Variants in FHIT observed in about 807,000 individuals in gnomAD.
FHIT encodes bis(5'-adenosyl)-triphosphatase.
FHIT carries 19 observed loss-of-function variants against 17.9 expected under a neutral mutation model. The observed-to-expected ratio is 1.06, with a 90% CI of 0.74 to 1.56. FHIT has a LOEUF of 1.56. FHIT is among the 40% of genes most tolerant of loss of function. The pLI, the probability that FHIT is intolerant of heterozygous loss-of-function variation, is 0.00. For synonymous variants in FHIT, 81 were observed against 69.7 expected, an observed-to-expected ratio of 1.16 and a Z score of -0.81; for missense variants, 248 against 189.2, an observed-to-expected ratio of 1.31 and a Z score of -1.82.
Position 60,237,612 on chromosome 3 carries a change from A to G in FHIT, c.104-223460T>C, listed in dbSNP as rs1181457745. 2.6e-5 allele frequency among the ~76,000 whole-genome samples: 4 copies of G among 152,138 alleles called. No individual in the cohort carries two copies. The East Asian group carries it at 5.8e-4, about 22-fold the overall frequency. ...ACCACAGTGAGGCAGGCCACCCAAG[A>G]TCACAAGATTGTACTTGATTCCACA... On this transcript the variant is annotated intron_variant, in intron 5 of 9. Coordinates refer to ENST00000492590, the MANE Select transcript of FHIT (RefSeq NM_002012.4).
intron 1 of FHIT, among the ~76,000 whole-genome samples, chr3:61,245,697 T>C (rs1414156576): frequency 6.6e-6 from 1 of 152,218 alleles, no homozygotes; most frequent in East Asian, 1.9e-4. Flanking sequence ...CCTGATTTAC[T>C]TGACAAATAA....
intron 5 of FHIT, among the ~76,000 whole-genome samples, chr3:60,447,409 T>C (rs1235261821): frequency 6.6e-6 from 1 of 152,214 alleles, no homozygotes; most frequent in Non-Finnish European, 1.5e-5. Context: ...ACATAGGAAT[T>C]ATTTTGTTAA....
chr3:60,663,492 G>A (rs150592139), intron 4 of FHIT, among the ~76,000 whole-genome samples: 2,844 of 151,992 alleles, frequency 0.019, 82 homozygotes, highest in African/African-American at 0.065. Flanking sequence ...CTGGAGTGCA[G>A]TGGTGCAATC....
At chr3:59,803,997 C>T (rs532783794) in intron 8 of FHIT, among the ~76,000 whole-genome samples, 1 of 152,140 alleles carries the variant, frequency 6.6e-6, no homozygotes, top group Non-Finnish European at 1.5e-5. Flanking sequence ...ATACTTGGGG[C>T]CTGGTTCTCA....
intron 3 of FHIT, among the ~76,000 whole-genome samples, chr3:60,915,916 G>A (rs949585715): frequency 2.6e-5 from 4 of 151,974 alleles, no homozygotes; most frequent in African/African-American, 4.8e-5. Flanking sequence ...ACCAAAGTAC[G>A]TTGAAAAATG....
In FHIT at chr3:59,922,426, C is replaced by T; in HGVS notation, c.280-12G>A. 6.2e-7 allele frequency: 1 copy of T among 1,607,362 alleles called. No homozygotes were observed. The highest frequency in any genetic ancestry group is 8.5e-7 in the Non-Finnish European group (1 of 1,176,804). ...TGGACGTGAACGTGCTGAAAATGTA[C>T]AAGAAAGAAAAAAAATGTGATTATC... On this transcript the variant is annotated splice_polypyrimidine_tract_variant and intron_variant, in intron 7 of 9. Transcript: ENST00000492590.
At chr3:60,366,311 G>C (rs1312291131) in intron 5 of FHIT, among the ~76,000 whole-genome samples, 20 of 152,140 alleles carry the variant, frequency 1.3e-4, no homozygotes. Context: ...GAGTAGTAGA[G>C]ATAGGGTTTC....
At chr3:60,674,259 T>C (rs1287552446) in intron 4 of FHIT, among the ~76,000 whole-genome samples, 1 of 152,180 alleles carries the variant, frequency 6.6e-6, no homozygotes, top group African/African-American at 2.4e-5. Flanking sequence ...TTCTTTTTTA[T>C]AGTTTACATT....
chr3:60,029,141 A>G (rs1051639428), intron 5 of FHIT, among the ~76,000 whole-genome samples: 16 of 152,146 alleles, frequency 1.1e-4, no homozygotes, highest in Admixed American at 2.6e-4. Flanking sequence ...TTCTTTCATT[A>G]TATTTTTCTA....
intron 5 of FHIT, among the ~76,000 whole-genome samples, chr3:60,505,207 C>T (rs1005018334): frequency 6.6e-5 from 10 of 152,170 alleles, no homozygotes; most frequent in African/African-American, 2.2e-4. Context: ...ACCAGGTCAT[C>T]TACCTAAACA....
chr3:61,214,380 T>C (rs1027690855), intron 1 of FHIT, among the ~76,000 whole-genome samples: 1 of 152,038 alleles, frequency 6.6e-6, no homozygotes, highest in Non-Finnish European at 1.5e-5. Flanking sequence ...TACAAACACC[T>C]CTGCACAAAT....
intron 2 of FHIT, among the ~76,000 whole-genome samples, chr3:61,083,404 C>G (rs2035206641): frequency 1.3e-5 from 2 of 152,144 alleles, no homozygotes; most frequent in Non-Finnish European, 2.9e-5. Flanking sequence ...TCCTGGCTAC[C>G]ACGGTGAAAC....
At chr3:59,851,527 A>T (rs1575588985) in intron 8 of FHIT, among the ~76,000 whole-genome samples, 1 of 152,282 alleles carries the variant, frequency 6.6e-6, no homozygotes, top group East Asian at 1.9e-4. Flanking sequence ...TTGAGCTTCA[A>T]ACCCAGGTTT....
intron 8 of FHIT, among the ~76,000 whole-genome samples, chr3:59,785,236 C>A (rs1702787001): frequency 6.6e-6 from 1 of 151,990 alleles, no homozygotes; most frequent in South Asian, 2.1e-4. Context: ...CATATCCGAA[C>A]CATATCACCT....
At chr3:59,961,825 G>A (rs558091555) in intron 7 of FHIT, among the ~76,000 whole-genome samples, 5 of 152,158 alleles carry the variant, frequency 3.3e-5, no homozygotes, top group East Asian at 1.9e-4. Context: ...CATTGATCTC[G>A]CTGGAAGCTG....
intron 5 of FHIT, among the ~76,000 whole-genome samples, chr3:60,155,173 CA>C (rs10552580): frequency 0.21 from 26,131 of 127,018 alleles, 2,103 homozygotes; most frequent in South Asian, 0.25. Flanking sequence ...GTGACAGAGT[CA>C]AAAAAAAAAA....
chr3:60,549,488 A>C (rs554913643), intron 4 of FHIT, among the ~76,000 whole-genome samples: 1 of 152,182 alleles, frequency 6.6e-6, no homozygotes, highest in Non-Finnish European at 1.5e-5. Flanking sequence ...TTTGAGAATC[A>C]CTGTGTTCAA....
At chr3:60,235,158 T>A (rs777523018) in intron 5 of FHIT, among the ~76,000 whole-genome samples, 9 of 152,078 alleles carry the variant, frequency 5.9e-5, no homozygotes, top group Non-Finnish European at 1.3e-4. Context: ...GCATATTGCA[T>A]CTTTCAACCA....
intron 2 of FHIT, among the ~76,000 whole-genome samples, chr3:61,146,305 G>A (rs994364538): frequency 3.3e-5 from 5 of 151,976 alleles, no homozygotes; most frequent in African/African-American, 4.8e-5. Flanking sequence ...TACTGTTAGG[G>A]CTCTGGCAAT....
Sources: allele counts gnomAD v4.1 joint callset (sites outside exome capture counted in the v4.1 genomes callset), GRCh38; gene constraint gnomAD v4.1.1; transcripts MANE v1.5; gene names NCBI Gene and HGNC (gene_info 2026-07-23, HGNC 2026-07-21).